The following WNT7B variants were observed in gnomAD, a reference collection of about 807,000 sequenced individuals.
The protein encoded by WNT7B is Wnt family member 7B.
In WNT7B, 19 loss-of-function variants were observed where a neutral mutation model predicts 38.2. The ratio of observed to expected loss-of-function variants is 0.50; its 90% CI spans 0.35 to 0.73. WNT7B has a LOEUF of 0.73. WNT7B is among the 30% of genes least tolerant of loss of function. The pLI is 0.01. For synonymous variants in WNT7B, 243 were observed against 209.3 expected (o/e 1.16, Z -1.39); for missense variants, 423 against 507.9 (o/e 0.83, Z 1.61).
intron 2 of WNT7B, among the ~76,000 whole-genome samples, chr22:45,941,796 C>CCGT (rs1931655701): frequency 1.3e-5 from 2 of 152,258 alleles, no homozygotes; most frequent in African/African-American, 4.8e-5. Flanking sequence ...CTGGCCAAGG[C>CCGT]CGTCACTCCT....
intron 2 of WNT7B, among the ~76,000 whole-genome samples, chr22:45,932,246 T>C (rs1031980413): frequency 6.6e-6 from 1 of 152,104 alleles, no homozygotes; most frequent in Non-Finnish European, 1.5e-5. Flanking sequence ...GCCTCAGCCC[T>C]CTCTCCCCAT....
chr22:45,958,195 G>A (rs1932116169), intron 1 of WNT7B, among the ~76,000 whole-genome samples: 2 of 152,206 alleles, frequency 1.3e-5, no homozygotes, highest in South Asian at 4.1e-4. Flanking sequence ...CAGGGTTGTG[G>A]GACGTGGCCC....
intron 2 of WNT7B, among the ~76,000 whole-genome samples, chr22:45,936,864 T>A (rs943211852): frequency 2.0e-5 from 3 of 152,212 alleles, no homozygotes; most frequent in African/African-American, 7.2e-5. Context: ...AGGATGAGGC[T>A]TCCCCCTCTT....
intron 3 of WNT7B, chr22:45,925,606 C>T: frequency 1.0e-6 from 1 of 985,234 alleles, no homozygotes; most frequent in Non-Finnish European, 1.2e-6. Context: ...ATCACCCCAG[C>T]TCCCTGTTCA....
At chr22:45,925,331 C>T (rs1931050781) in intron 3 of WNT7B, 1 of 985,246 alleles carries the variant, frequency 1.0e-6, no homozygotes, top group Admixed American at 6.1e-5. Context: ...ATCAGTGATG[C>T]CCTTGGACAA....
rs780876715 is a variant in WNT7B, at chr22:45,950,089, G to C, written c.129C>G (p.Gly43=). The change falls in exon 2 of 4, where the codon GGC becomes GGG. Residue 43 remains glycine, a synonymous_variant. Coordinates refer to ENST00000339464, the MANE Select transcript of WNT7B (RefSeq NM_058238.3). ...GANIICNKIP[G]LAPRQRAICQ... The stretch of plus-strand genomic sequence containing the variant: ...AGATGGCACGCTGCCGCGGGGCTAG[G>C]CCAGGAATCTTGTTGCAGATGATGT... 1 of 1,614,050 alleles carries C rather than the reference G, an allele frequency of 6.2e-7. No individual in the cohort carries two copies. The highest frequency in any genetic ancestry group is 8.5e-7 in the Non-Finnish European group (1 of 1,180,040).
intron 3 of WNT7B, among the ~76,000 whole-genome samples, chr22:45,924,913 A>G (rs144670858): frequency 0.11 from 7,967 of 75,670 alleles, 311 homozygotes; most frequent in Middle Eastern, 0.19. Context: ...TGGGCCCTAG[A>G]GTGGCAGGTG....
chr22:45,936,772 G>T (rs959232787), intron 2 of WNT7B, among the ~76,000 whole-genome samples: 4 of 152,216 alleles, frequency 2.6e-5, no homozygotes, highest in Non-Finnish European at 5.9e-5. Context: ...CCATGAGGAG[G>T]ATGGTGGGGA....
Position 45,967,047 on chromosome 22 carries a change from G to C in WNT7B, c.71+9637C>G, listed in dbSNP as rs187535706. Among the ~76,000 whole-genome samples the C allele has an allele frequency of 3.6e-3, 556 of 152,346 alleles. 6 individuals carry two copies. The highest frequency in any genetic ancestry group is 0.013 in the African/African-American group (524 of 41,576). On this transcript the variant is annotated intron_variant, in intron 1 of 3. Coordinates refer to ENST00000339464, the MANE Select transcript of WNT7B (RefSeq NM_058238.3). Reference sequence around the variant, plus strand: ...AACGCCCTGGGTGAGGGGCAGGGATGGGGGAGGGGCCCCAGGCAGGCTGAG... The same window carrying C: ...AACGCCCTGGGTGAGGGGCAGGGATCGGGGAGGGGCCCCAGGCAGGCTGAG...
At position 45,976,509 on chromosome 22, in the gene WNT7B, G is replaced by A. The variant is rs913003137; in HGVS notation, c.71+175C>T. Reference sequence around the variant, plus strand: ...TCGGCGCCTCTCGGGAGCTCAGGGGGTTGGGCTGCGTCTCTGCTGGCGTGG... The same window carrying A: ...TCGGCGCCTCTCGGGAGCTCAGGGGATTGGGCTGCGTCTCTGCTGGCGTGG... On this transcript the variant is annotated intron_variant, in intron 1 of 3. Coordinates refer to ENST00000339464, the MANE Select transcript of WNT7B (RefSeq NM_058238.3). The surrounding 1 kb of genome is among the most constrained non-coding windows in gnomAD (Gnocchi z 8.5). 7.9e-5 allele frequency among the ~76,000 whole-genome samples: 12 copies of A among 152,012 alleles called. No homozygotes were observed. Among genetic ancestry groups the A allele is most frequent in the African/African-American group, 2.9e-4 (12 of 41,548 alleles).
intron 1 of WNT7B, among the ~76,000 whole-genome samples, chr22:45,961,115 G>A (rs944304156): frequency 1.3e-5 from 2 of 152,254 alleles, no homozygotes; most frequent in Admixed American, 6.5e-5. Flanking sequence ...CCTCAGAGGA[G>A]GCTGGAAGGG....
At chr22:45,964,561 T>A (rs966198056) in intron 1 of WNT7B, among the ~76,000 whole-genome samples, 5 of 152,004 alleles carry the variant, frequency 3.3e-5, no homozygotes, top group Non-Finnish European at 1.5e-5. Context: ...AGTGGTGAAG[T>A]CACCCTGGGA....
Position 45,922,602 on chromosome 22 carries a change from C to T in WNT7B, c.*254G>A. The T allele has an allele frequency of 1.8e-6, 1 of 562,084 alleles. No individual in the cohort carries two copies. The allele number at this position is 562,084 out of a possible 1,614,324, so 34.8% of individuals were successfully genotyped here. ...GGCCCCGTCGGGGAGCACCAAGACC[C>T]CTGGCCTTGCTCTCTGGGTGGGTCA... On this transcript the variant is annotated 3_prime_UTR_variant, in exon 4 of 4. Transcript: ENST00000339464.
In WNT7B at chr22:45,940,382, G is replaced by C. The variant is rs1931615850; in HGVS notation, c.299-9013C>G. On this transcript the variant is annotated intron_variant, in intron 2 of 3. Transcript: ENST00000339464. Reference sequence around the variant, plus strand: ...AGCCCACTCCACACCCACCGGGACAGGGAAAGCTGCAAAGTCTGCCTTGTG... The same window carrying C: ...AGCCCACTCCACACCCACCGGGACACGGAAAGCTGCAAAGTCTGCCTTGTG... 2.0e-5 allele frequency among the ~76,000 whole-genome samples: 3 copies of C among 152,050 alleles called. No individual in the cohort carries two copies. In the South Asian group the frequency reaches 6.2e-4, roughly 32 times the overall value.
At chr22:45,924,100 C>A (rs1254894449) in intron 3 of WNT7B, among the ~76,000 whole-genome samples, 1 of 152,240 alleles carries the variant, frequency 6.6e-6, no homozygotes, top group African/African-American at 2.4e-5. Flanking sequence ...AAGGGCCCTG[C>A]CAGCCGGGCC....
Position 45,951,633 on chromosome 22 carries a change from A to T in WNT7B, c.72-1487T>A, listed in dbSNP as rs1569120019. ...CTGGATGTTTCCTATGGATGGAACC[A>T]TTCATTGTGTGACCTTTGGCGTCTG... On this transcript the variant is annotated intron_variant, in intron 1 of 3. Coordinates refer to ENST00000339464, the MANE Select transcript of WNT7B (RefSeq NM_058238.3). The surrounding 1 kb of genome is among the most constrained non-coding windows in gnomAD (Gnocchi z 4.8). Among the ~76,000 whole-genome samples, 1 of 152,126 alleles carries T rather than the reference A, an allele frequency of 6.6e-6. No homozygotes were observed. The highest frequency in any genetic ancestry group is 1.5e-5 in the Non-Finnish European group (1 of 68,028).
chr22:45,964,432 C>A (rs1053458412), intron 1 of WNT7B, among the ~76,000 whole-genome samples: 28 of 152,154 alleles, frequency 1.8e-4, no homozygotes, highest in Admixed American at 1.8e-3. Flanking sequence ...CCCCCCCAGG[C>A]TGAGGGGAGT....
Position 45,965,458 on chromosome 22 carries a change from G to A in WNT7B, c.71+11226C>T, listed in dbSNP as rs539649716. On this transcript the variant is annotated intron_variant, in intron 1 of 3. Coordinates refer to ENST00000339464, the MANE Select transcript of WNT7B (RefSeq NM_058238.3). The surrounding 1 kb of genome is among the most constrained non-coding windows in gnomAD (Gnocchi z 6.5). ...TGAAGGGAAAGTTCAGGGTGGTGGT[G>A]GAGCCAGCAGGAAGGGGAGGAGGGA... Among the ~76,000 whole-genome samples, 2 of 152,340 alleles carry A rather than the reference G, an allele frequency of 1.3e-5. No homozygotes were observed. The highest frequency in any genetic ancestry group is 4.1e-4 in the South Asian group (2 of 4,828).
chr22:45,944,771 C>A (rs1385839699), intron 2 of WNT7B, among the ~76,000 whole-genome samples: 1 of 152,224 alleles, frequency 6.6e-6, no homozygotes, highest in Admixed American at 6.5e-5. Context: ...TCAAGGAATG[C>A]AGGCTGATGA....
Sources: gnomAD v4.1 joint callset for allele counts (sites outside exome capture counted in the v4.1 genomes callset) on GRCh38, gnomAD v4.1.1 for gene constraint, Gnocchi (gnomAD v3.1) non-coding constraint, MANE v1.5 for transcripts, NCBI Gene and HGNC (gene_info 2026-07-23, HGNC 2026-07-21) for gene names.